ADCY2: variants seen among roughly 807,000 people sequenced by gnomAD.
ADCY2 encodes adenylate cyclase 2.
ADCY2 carries 31 observed loss-of-function variants against 125.2 expected under a neutral mutation model. The observed-to-expected ratio is 0.25, with a 90% confidence interval of 0.19 to 0.33. The LOEUF (loss-of-function observed/expected upper bound fraction) is 0.33, where lower values mean the gene tolerates loss of function less well. Among genes scored for constraint, ADCY2 ranks in the 10% least tolerant of loss-of-function variants. ADCY2 has a pLI of 1.00. For synonymous variants in ADCY2, 512 were observed against 548.4 expected (o/e 0.93, Z 0.93); for missense variants, 904 against 1,418.2 (o/e 0.64, Z 5.82).
At chr5:7,685,237 A>C (rs2126718691) in intron 4 of ADCY2, 1 of 152,432 alleles carries the variant, frequency 6.6e-6, no homozygotes, top group East Asian at 1.9e-4. Flanking sequence ...GTGGTTGGGC[A>C]CTTGGGTGCA....
intron 17 of ADCY2, among the ~76,000 whole-genome samples, chr5:7,768,387 C>T (rs999270413): frequency 1.3e-5 from 2 of 152,182 alleles, no homozygotes; most frequent in Admixed American, 6.5e-5. Context: ...CTGCCTATTC[C>T]TCCTTGATCC....
In ADCY2 at chr5:7,802,968, T is replaced by C. The variant is rs75644504; in HGVS notation, c.2775+604T>C. Among the ~76,000 whole-genome samples, 2,410 of 152,306 alleles carry C rather than the reference T, an allele frequency of 0.016. 67 individuals are homozygous for C. Among genetic ancestry groups the C allele is most frequent in the African/African-American group, 0.055 (2,291 of 41,562 alleles). ...TGCAGCCACACTATTCTTATCACTATCTTGCAAAATAGAAGAAAATTGACA... is the reference window on the plus strand; with the variant it reads ...TGCAGCCACACTATTCTTATCACTACCTTGCAAAATAGAAGAAAATTGACA... On this transcript the variant is annotated intron_variant, in intron 21 of 24. Coordinates refer to ENST00000338316, the MANE Select transcript of ADCY2 (RefSeq NM_020546.3). This position sits in a 1 kb window ranked among gnomAD's most constrained non-coding sequence, Gnocchi z 4.6.
intron 2 of ADCY2, among the ~76,000 whole-genome samples, chr5:7,445,270 T>C (rs1741199389): frequency 6.6e-6 from 1 of 152,154 alleles, no homozygotes; most frequent in South Asian, 2.1e-4. Context: ...GACATGCATA[T>C]CCAGTGTCAT....
intron 3 of ADCY2, among the ~76,000 whole-genome samples, chr5:7,526,222 C>T (rs1402857909): frequency 2.0e-5 from 3 of 152,216 alleles, no homozygotes; most frequent in Non-Finnish European, 4.4e-5. Context: ...CTCCCCCATC[C>T]ACTGCTGGTG....
intron 2 of ADCY2, among the ~76,000 whole-genome samples, chr5:7,503,822 A>G (rs1368064121): frequency 6.6e-6 from 1 of 152,254 alleles, no homozygotes; most frequent in African/African-American, 2.4e-5. Context: ...GGTTCAACCC[A>G]CAGTCAAAGA....
rs1469704199 is a variant in ADCY2 at position 7,437,789 on chromosome 5, C to G, written c.408+23019C>G. 3.9e-5 allele frequency among the ~76,000 whole-genome samples: 6 copies of G among 152,278 alleles called. 1 individual carries two copies. In the East Asian group the frequency reaches 1.2e-3, roughly 29 times the overall value. ...GTTACTTTTTAATTAGCACTTTGAA[C>G]AGTATTTCTTGTGCAAAATTTATGT... On this transcript the variant is annotated intron_variant, in intron 2 of 24. Transcript: ENST00000338316.
rs1741278782 is a variant in ADCY2, at chr5:7,706,754, G to A, written c.1120G>A (p.Asp374Asn). 6.2e-7 allele frequency: 1 copy of A among 1,614,168 alleles called. No individual in the cohort carries two copies. Among genetic ancestry groups the A allele is most frequent in the Non-Finnish European group, 8.5e-7 (1 of 1,179,998 alleles). ...DMCEAIKKVR[D>N]ATGVDINMRV... The stretch of plus-strand genomic sequence containing the variant: ...TTCCCTTCTCTTTAGGAAAGTGAGG[G>A]ATGCTACTGGAGTTGATATCAACAT... The change falls in exon 8 of 25, where the codon GAT becomes AAT. Residue 374 changes from aspartate to asparagine, a missense_variant. By Grantham distance (23) the Asp-to-Asn change is conservative. Coordinates refer to ENST00000338316, the MANE Select transcript of ADCY2 (RefSeq NM_020546.3).
chr5:7,821,337 A>G (rs115376679), intron 24 of ADCY2, among the ~76,000 whole-genome samples: 4,359 of 152,324 alleles, frequency 0.029, 178 homozygotes, highest in African/African-American at 0.089. Context: ...AGTATTTTAA[A>G]ATCACTGAAA....
intron 4 of ADCY2, among the ~76,000 whole-genome samples, chr5:7,682,805 T>C (rs1307308007): frequency 6.6e-6 from 1 of 152,212 alleles, no homozygotes; most frequent in African/African-American, 2.4e-5. Context: ...CCATTACTTT[T>C]GCATCCAATG....
rs1449852766 is a variant in ADCY2 at position 7,706,673 on chromosome 5, G to A, written c.1110-71G>A. 9.7e-6 allele frequency: 15 copies of A among 1,548,388 alleles called. No homozygotes were observed. The Admixed American group carries it at 1.9e-4, about 20-fold the overall frequency. On this transcript the variant is annotated intron_variant, in intron 7 of 24. Transcript: ENST00000338316. ...AAAAATTCTGAATAATAAAATACTG[G>A]GAAAATTGGCCAAGAGTTAAAGGAA...
rs144568800 is a variant in ADCY2, at chr5:7,637,291, G to A, written c.720+10975G>A. On this transcript the variant is annotated intron_variant, in intron 4 of 24. Transcript: ENST00000338316. The stretch of plus-strand genomic sequence containing the variant: ...TCAAGACCAGCCTGGCCAAAATGGC[G>A]AAACCCTGTCTCTACTAGAAATACA... 1.3e-3 allele frequency among the ~76,000 whole-genome samples: 193 copies of A among 152,120 alleles called. 1 individual carries two copies. The highest frequency in any genetic ancestry group is 2.3e-3 in the Non-Finnish European group (156 of 68,004).
At chr5:7,458,566 G>A (rs1387579566) in intron 2 of ADCY2, among the ~76,000 whole-genome samples, 1 of 152,004 alleles carries the variant, frequency 6.6e-6, no homozygotes, top group Non-Finnish European at 1.5e-5. Context: ...CAGCTTTCTC[G>A]TTCCCAAGTT....
At chr5:7,666,281 C>A (rs1161651512) in intron 4 of ADCY2, among the ~76,000 whole-genome samples, 1 of 151,798 alleles carries the variant, frequency 6.6e-6, no homozygotes, top group Non-Finnish European at 1.5e-5. Context: ...TTTATTTGTG[C>A]TCCTGTTACA....
intron 2 of ADCY2, among the ~76,000 whole-genome samples, chr5:7,449,041 G>A (rs1288331242): frequency 6.6e-6 from 1 of 152,134 alleles, no homozygotes. Context: ...CTAGACCTCT[G>A]AGGAATCACC....
chr5:7,607,013 G>C (rs1737399587), intron 3 of ADCY2, among the ~76,000 whole-genome samples: 3 of 152,056 alleles, frequency 2.0e-5, no homozygotes, highest in Non-Finnish European at 4.4e-5. Context: ...GGGCACCTGA[G>C]CTTGGGCCTC....
chr5:7,626,431 G>A (rs1291354765), intron 4 of ADCY2, 115 bp downstream of exon 4: 1 of 1,229,242 alleles, frequency 8.1e-7, no homozygotes, highest in African/African-American at 1.5e-5. Context: ...AATCAGAGAA[G>A]AAACCCTGGG....
At chr5:7,810,445 C>A (rs910786197) in intron 22 of ADCY2, among the ~76,000 whole-genome samples, 1 of 151,420 alleles carries the variant, frequency 6.6e-6, no homozygotes, top group Admixed American at 6.6e-5. Flanking sequence ...GGGTTATCTA[C>A]CTAGTTGGTG....
intron 1 of ADCY2, among the ~76,000 whole-genome samples, chr5:7,403,740 A>G (rs1432599358): frequency 6.6e-6 from 1 of 152,128 alleles, no homozygotes; most frequent in East Asian, 1.9e-4. Context: ...TAAATTATAT[A>G]TATGTGTGGT....
chr5:7,729,677 G>A (rs1038910589), intron 14 of ADCY2, among the ~76,000 whole-genome samples: 2 of 150,202 alleles, frequency 1.3e-5, no homozygotes, highest in African/African-American at 4.9e-5. Context: ...AGGCAGAGCA[G>A]CCTGTTTATT....
Sources: gnomAD v4.1 joint callset for allele counts (sites outside exome capture counted in the v4.1 genomes callset) on GRCh38, gnomAD v4.1.1 for gene constraint, Gnocchi (gnomAD v3.1) non-coding constraint, MANE v1.5 for transcripts, NCBI Gene and HGNC (gene_info 2026-07-23, HGNC 2026-07-21) for gene names.